The following PDE4D variants were observed in gnomAD, a reference collection of about 807,000 sequenced individuals.
PDE4D encodes phosphodiesterase 4D, also known as 3',5'-cyclic-AMP phosphodiesterase 4D.
PDE4D carries 24 observed loss-of-function variants against 87.4 expected under a neutral mutation model. The ratio of observed to expected loss-of-function variants is 0.27; its 90% confidence interval spans 0.20 to 0.39. The LOEUF is 0.39. Ranked by LOEUF, PDE4D falls within the 10% of genes least tolerant of loss-of-function variation. PDE4D has a pLI of 1.00. For synonymous variants in PDE4D, 384 were observed against 383.2 expected, an observed-to-expected ratio of 1.00 and a Z score of -0.02; for missense variants, 714 against 1,041.0, an observed-to-expected ratio of 0.69 and a Z score of 4.32.
At chr5:59,330,639 A>G (rs1776555570) in intron 1 of PDE4D, among the ~76,000 whole-genome samples, 1 of 152,182 alleles carries the variant, frequency 6.6e-6, no homozygotes, top group Non-Finnish European at 1.5e-5. Flanking sequence ...TATTTCTCAA[A>G]AGAAATTTTA....
chr5:60,027,350 T>C (rs866927693), intron 2 of PDE4D, among the ~76,000 whole-genome samples: 1 of 152,212 alleles, frequency 6.6e-6, no homozygotes, highest in Non-Finnish European at 1.5e-5. Context: ...CCTGCTTTAA[T>C]TCACTTAGGA....
rs534650854 is a variant in PDE4D at position 60,159,596 on chromosome 5, A to G, written c.42+25961T>C. 7.9e-5 allele frequency among the ~76,000 whole-genome samples: 12 copies of G among 152,330 alleles called. No individual in the cohort carries two copies. The South Asian group carries it at 2.3e-3, about 29-fold the overall frequency. On this transcript the variant is annotated intron_variant, in intron 2 of 16. Transcript: ENST00000502484. ...TGGCTGTGATATCAGTAGAGCTGAC[A>G]ATAGGAATTTTTCAGCTCTATTATA... is the stretch of plus-strand genomic sequence containing the variant.
At chr5:60,419,484 G>T (rs1742903606) in intron 1 of PDE4D, among the ~76,000 whole-genome samples, 2 of 151,274 alleles carry the variant, frequency 1.3e-5, no homozygotes, top group African/African-American at 4.9e-5. Flanking sequence ...AAAAGAACTG[G>T]TAATATCTAT....
At chr5:59,816,014 C>T (rs961772063) in intron 1 of PDE4D, among the ~76,000 whole-genome samples, 4 of 152,162 alleles carry the variant, frequency 2.6e-5, no homozygotes, top group African/African-American at 7.2e-5. Context: ...ATCTAAAGCA[C>T]GAGTGAATTC....
chr5:59,755,169 A>G (rs1191801934), intron 1 of PDE4D, among the ~76,000 whole-genome samples: 1 of 152,178 alleles, frequency 6.6e-6, no homozygotes, highest in African/African-American at 2.4e-5. Flanking sequence ...CCTTAAGAAG[A>G]AAGACTTAAT....
intron 5 of PDE4D, among the ~76,000 whole-genome samples, chr5:59,156,690 C>G (rs2153462786): frequency 6.6e-6 from 1 of 152,078 alleles, no homozygotes; most frequent in African/African-American, 2.4e-5. Flanking sequence ...AAATCAACTT[C>G]TGTCTTGATT....
At chr5:59,148,020 A>G (rs1410290580) in intron 5 of PDE4D, among the ~76,000 whole-genome samples, 1 of 152,200 alleles carries the variant, frequency 6.6e-6, no homozygotes, top group Non-Finnish European at 1.5e-5. Context: ...CTCAGTAGCC[A>G]CTTCCATCAT....
chr5:59,724,742 G>T (rs1439474539), intron 1 of PDE4D, among the ~76,000 whole-genome samples: 1 of 152,068 alleles, frequency 6.6e-6, no homozygotes, highest in Non-Finnish European at 1.5e-5. Flanking sequence ...ATAATGTCAG[G>T]CTGAGGAGAA....
chr5:60,510,164 G>T (rs1314172493), intron 1 of PDE4D, among the ~76,000 whole-genome samples: 1 of 152,166 alleles, frequency 6.6e-6, no homozygotes, highest in Non-Finnish European at 1.5e-5. Flanking sequence ...GAGTAAGAGA[G>T]CCCTAAGCAG....
intron 1 of PDE4D, among the ~76,000 whole-genome samples, chr5:59,765,289 T>A (rs573661655): frequency 4.3e-4 from 65 of 152,358 alleles, no homozygotes; most frequent in African/African-American, 1.5e-3. Flanking sequence ...TGCTTCTGTA[T>A]AATCTTCATC....
intron 6 of PDE4D, chr5:59,001,980 G>A (rs116644220): frequency 0.015 from 7,274 of 494,276 alleles, 81 homozygotes; most frequent in Non-Finnish European, 0.022. Context: ...TCCCCTATAC[G>A]GCATCACCTT....
chr5:60,282,687 A>G (rs1562285968), intron 1 of PDE4D, among the ~76,000 whole-genome samples: 1 of 152,138 alleles, frequency 6.6e-6, no homozygotes, highest in Non-Finnish European at 1.5e-5. Flanking sequence ...TTACTTCTTC[A>G]AAGATCAGTT....
chr5:60,133,352 G>C (rs796302669), intron 2 of PDE4D, among the ~76,000 whole-genome samples: 7 of 151,444 alleles, frequency 4.6e-5, no homozygotes, highest in African/African-American at 1.7e-4. Context: ...TTTTTTAGAC[G>C]GGGTCTCGTT....
chr5:59,675,896 T>C (rs1446399443), intron 1 of PDE4D, among the ~76,000 whole-genome samples: 1 of 152,116 alleles, frequency 6.6e-6, no homozygotes, highest in African/African-American at 2.4e-5. Context: ...CTCACTATGT[T>C]GCCCTGGCTG....
At chr5:59,275,137 TAC>T (rs909302079) in intron 1 of PDE4D, among the ~76,000 whole-genome samples, 4 of 152,042 alleles carry the variant, frequency 2.6e-5, no homozygotes, top group African/African-American at 9.7e-5. Flanking sequence ...GATAAATTGT[TAC>T]AGTCCAAGAG....
At chr5:59,026,723 A>AT (rs796612831) in intron 6 of PDE4D, among the ~76,000 whole-genome samples, 3 of 152,306 alleles carry the variant, frequency 2.0e-5, no homozygotes, top group African/African-American at 7.2e-5. Flanking sequence ...AGAAGATGGG[A>AT]TTAAAAAAAA....
At chr5:59,201,040 T>A (rs1463121219) in intron 2 of PDE4D, among the ~76,000 whole-genome samples, 1 of 152,108 alleles carries the variant, frequency 6.6e-6, no homozygotes, top group Non-Finnish European at 1.5e-5. Context: ...TTCGGTAATC[T>A]CTAAAATTTT....
Position 59,792,511 on chromosome 5 carries a change from C to T in PDE4D, c.455+100657G>A, listed in dbSNP as rs897014512. 4.0e-5 allele frequency among the ~76,000 whole-genome samples: 6 copies of T among 150,890 alleles called. No homozygotes were observed. In the East Asian group the frequency reaches 1.2e-3, roughly 29 times the overall value. On this transcript the variant is annotated intron_variant, in intron 1 of 14. Coordinates refer to ENST00000340635, the MANE Select transcript of PDE4D (RefSeq NM_001104631.2). ...ATGGAAAAAGCACTAACAAGGGTGG[C>T]CAATGCAACAATGCATGTGATGTAT... is the stretch of plus-strand genomic sequence containing the variant.
At chr5:59,415,213 G>C (rs1046831382) in intron 1 of PDE4D, among the ~76,000 whole-genome samples, 5 of 152,146 alleles carry the variant, frequency 3.3e-5, no homozygotes, top group African/African-American at 1.2e-4. Flanking sequence ...AGGATTCAGT[G>C]ATCACTCTAA....
Sources: gnomAD v4.1 joint callset for allele counts (sites outside exome capture counted in the v4.1 genomes callset) on GRCh38, gnomAD v4.1.1 for gene constraint, MANE v1.5 for transcripts, NCBI Gene and HGNC (gene_info 2026-07-23, HGNC 2026-07-21) for gene names.